The following LUC7L variants were observed in gnomAD, a reference collection of about 807,000 sequenced individuals.
LUC7L encodes the protein putative RNA-binding protein Luc7-like 1.
Under a neutral mutation model 51.1 loss-of-function variants are expected in LUC7L, and 29 were observed. The observed-to-expected ratio is 0.57, with a 90% CI of 0.42 to 0.77. The LOEUF (loss-of-function observed/expected upper bound fraction) is 0.77. Ranked by LOEUF, LUC7L falls within the 30% of genes least tolerant of loss-of-function variation. The probability of loss-of-function intolerance (pLI) is 0.00; values close to 1 mark genes in which losing one functional copy is unlikely to be tolerated. For synonymous variants in LUC7L, 181 were observed against 180.7 expected (o/e 1.00, Z -0.01); for missense variants, 403 against 511.9 (o/e 0.79, Z 2.05).
rs777764193 is a variant in LUC7L at position 228,951 on chromosome 16, C to T, written c.61+328G>A. The T allele has an allele frequency of 5.0e-5, 70 of 1,406,504 alleles. No homozygotes were observed. In the South Asian group the frequency reaches 7.9e-4, roughly 16 times the overall value. The allele number at this position is 1,406,504 out of a possible 1,614,324, so 87.1% of individuals were successfully genotyped here. On this transcript the variant is annotated intron_variant, in intron 1 of 9. Coordinates refer to ENST00000293872, the MANE Select transcript of LUC7L (RefSeq NM_201412.3). ...AGCGACCTGGAGCCCACGCTGATTC[C>T]AGCCCTCCGCCGACTCCACAGTTCG...
intron 3 of LUC7L, among the ~76,000 whole-genome samples, chr16:212,995 C>G (rs981727529): frequency 6.6e-6 from 1 of 152,134 alleles, no homozygotes; most frequent in Non-Finnish European, 1.5e-5. Context: ...AATTCCTGGG[C>G]TCAAGCAATC....
chr16:216,525 G>C (rs1016709091), intron 3 of LUC7L, among the ~76,000 whole-genome samples: 1 of 151,896 alleles, frequency 6.6e-6, no homozygotes, highest in Non-Finnish European at 1.5e-5. Flanking sequence ...TGGGACTACA[G>C]GTGCCCACCA....
chr16:218,664 T>A (rs2049878953), intron 3 of LUC7L, among the ~76,000 whole-genome samples: 1 of 151,786 alleles, frequency 6.6e-6, no homozygotes, highest in Admixed American at 6.6e-5. Flanking sequence ...GAGGTTGCAA[T>A]GAGCCAAGAT....
At chr16:203,677 C>A (rs1279057974) in intron 5 of LUC7L, among the ~76,000 whole-genome samples, 1 of 142,292 alleles carries the variant, frequency 7.0e-6, no homozygotes, top group Non-Finnish European at 1.5e-5. Flanking sequence ...CACTGCACTC[C>A]AGCCTGGGTG....
chr16:199,670 C>G (rs931350711), intron 5 of LUC7L, among the ~76,000 whole-genome samples: 4 of 147,534 alleles, frequency 2.7e-5, no homozygotes, highest in African/African-American at 1.0e-4. Flanking sequence ...ATTCTGGAGG[C>G]TGAGGCAGGA....
At chr16:191,986 C>G (rs941624616) in intron 7 of LUC7L, among the ~76,000 whole-genome samples, 2 of 151,596 alleles carry the variant, frequency 1.3e-5, no homozygotes, top group African/African-American at 4.8e-5. Context: ...GAACTCCAAA[C>G]AGACTCAACA....
chr16:217,881 A>G (rs1249035442), intron 3 of LUC7L, among the ~76,000 whole-genome samples: 2 of 151,968 alleles, frequency 1.3e-5, no homozygotes, highest in African/African-American at 4.8e-5. Flanking sequence ...TCTACTAAAA[A>G]TATAAAAATT....
intron 5 of LUC7L, among the ~76,000 whole-genome samples, chr16:205,622 C>A (rs560004851): frequency 1.1e-3 from 173 of 152,292 alleles, no homozygotes; most frequent in Non-Finnish European, 1.8e-3. Flanking sequence ...CAGAGTCTCG[C>A]TCTGTCGCCC....
At chr16:217,327 T>C (rs2142099909) in intron 3 of LUC7L, among the ~76,000 whole-genome samples, 1 of 152,226 alleles carries the variant, frequency 6.6e-6, no homozygotes, top group East Asian at 1.9e-4. Context: ...CAGGAATTTA[T>C]TCTTTATTGA....
chr16:210,308 T>C (rs1290644945), intron 3 of LUC7L, among the ~76,000 whole-genome samples: 1 of 152,088 alleles, frequency 6.6e-6, no homozygotes, highest in Non-Finnish European at 1.5e-5. Context: ...ATAAACTGCT[T>C]CTTGTTGGTC....
chr16:190,678 G>A (rs1373911584), intron 7 of LUC7L, 108 bp from the exon 8 acceptor site: 3 of 972,344 alleles, frequency 3.1e-6, no homozygotes, highest in African/African-American at 1.6e-5. Context: ...TCACGAGCTG[G>A]AGACCAGCCT....
rs145842502 is a variant in LUC7L, at chr16:214,424, T to C, written c.255+6225A>G. Among the ~76,000 whole-genome samples, 1,329 of 152,316 alleles carry C rather than the reference T, an allele frequency of 8.7e-3. 15 individuals carry two copies. Among genetic ancestry groups the C allele is most frequent in the African/African-American group, 0.031 (1,277 of 41,570 alleles). On this transcript the variant is annotated intron_variant, in intron 3 of 9. Transcript: ENST00000293872. ...ACATTAGTTTGAAGGGCAGAGTCTA[T>C]CATATAGGTTCATTATAATTTATTC...
intron 2 of LUC7L, among the ~76,000 whole-genome samples, chr16:220,963 T>C (rs1017003031): frequency 2.6e-5 from 4 of 152,184 alleles, no homozygotes; most frequent in Non-Finnish European, 4.4e-5. Flanking sequence ...CATTTAATAG[T>C]GTAAAGTTTC....
intron 3 of LUC7L, 181 bp downstream of exon 3, chr16:220,468 C>T (rs2049933725): frequency 1.8e-6 from 1 of 550,342 alleles, no homozygotes. Flanking sequence ...AGGACACTGA[C>T]AGGACGCTGG....
intron 3 of LUC7L, among the ~76,000 whole-genome samples, chr16:212,828 A>C (rs1042944225): frequency 2.6e-5 from 4 of 152,076 alleles, no homozygotes; most frequent in African/African-American, 9.6e-5. Context: ...CCCAGGCTAG[A>C]ATACAGTGGC....
intron 3 of LUC7L, among the ~76,000 whole-genome samples, chr16:213,118 C>T (rs1409136680): frequency 2.6e-5 from 4 of 152,126 alleles, no homozygotes; most frequent in Admixed American, 1.3e-4. Context: ...TGACAGTTTA[C>T]AAGTTGAGAA....
At chr16:194,104 C>CT (rs1226015539) in intron 6 of LUC7L, among the ~76,000 whole-genome samples, 1,484 of 143,060 alleles carry the variant, frequency 0.01, 11 homozygotes, top group African/African-American at 0.031. Flanking sequence ...CGCTTGGCCA[C>CT]TTTTTTTTTT....
intron 2 of LUC7L, among the ~76,000 whole-genome samples, chr16:224,633 C>T (rs1048729351): frequency 3.3e-5 from 5 of 151,732 alleles, no homozygotes; most frequent in African/African-American, 4.8e-5. Flanking sequence ...AGTTTGAGAC[C>T]AGCCTGGCCA....
intron 3 of LUC7L, 27 bp from the exon 4 acceptor site, chr16:208,215 A>C (rs1312928933): frequency 6.7e-7 from 1 of 1,488,016 alleles, no homozygotes; most frequent in Middle Eastern, 1.7e-4. Context: ...ACAGCGCTAT[A>C]ATCAATGATG....
Sources: allele counts gnomAD v4.1 joint callset (sites outside exome capture counted in the v4.1 genomes callset), GRCh38; gene constraint gnomAD v4.1.1; transcripts MANE v1.5; gene names NCBI Gene and HGNC (gene_info 2026-07-23, HGNC 2026-07-21).